The following PLCH1 variants were observed in gnomAD, a reference collection of about 807,000 sequenced individuals.
The protein encoded by PLCH1 is phospholipase C eta 1.
In PLCH1, 60 loss-of-function variants were observed where a neutral mutation model predicts 126.7. The observed-to-expected ratio is 0.47, with a 90% confidence interval of 0.38 to 0.59. The LOEUF (loss-of-function observed/expected upper bound fraction) is 0.59, where lower values mean the gene tolerates loss of function less well. PLCH1 is among the 20% of genes least tolerant of loss of function. The pLI, the probability that PLCH1 is intolerant of heterozygous loss-of-function variation, is 0.00. For synonymous variants in PLCH1, 719 were observed against 734.9 expected, an observed-to-expected ratio of 0.98 and a Z score of 0.35; for missense variants, 1,723 against 2,040.0, an observed-to-expected ratio of 0.84 and a Z score of 2.99.
At chr3:155,631,557 A>G (rs1738024488) in intron 2 of PLCH1, among the ~76,000 whole-genome samples, 1 of 152,214 alleles carries the variant, frequency 6.6e-6, no homozygotes. Context: ...TTGTTCACAG[A>G]GGAAAATTAT....
chr3:155,500,511 A>G (rs1437462622), intron 14 of PLCH1, among the ~76,000 whole-genome samples, 192 bp downstream of exon 14: 1 of 152,228 alleles, frequency 6.6e-6, no homozygotes, highest in Non-Finnish European at 1.5e-5. Context: ...AGAGCTCATT[A>G]TGTGCCAGGC....
At position 155,452,511 on chromosome 3, in the gene PLCH1, G is replaced by T. The variant is rs1257587557; in HGVS notation, c.2938+32845C>A. On this transcript the variant is annotated intron_variant, in intron 21 of 21. Coordinates refer to the PLCH1 transcript ENST00000494598. ...TAGAATTGAGAGTCTAATCTGATTG[G>T]ATTTAAAGACACTAATGACTCTATC... 2.6e-5 allele frequency among the ~76,000 whole-genome samples: 4 copies of T among 152,092 alleles called. No individual in the cohort carries two copies. In the East Asian group the frequency reaches 7.7e-4, roughly 29 times the overall value.
intron 12 of PLCH1, among the ~76,000 whole-genome samples, chr3:155,513,670 A>G (rs1310546351): frequency 8.5e-5 from 13 of 152,196 alleles, no homozygotes; most frequent in Non-Finnish European, 1.0e-4. Flanking sequence ...CCAGAATTAC[A>G]TGGTAAACTA....
intron 2 of PLCH1, among the ~76,000 whole-genome samples, chr3:155,652,476 G>GT (rs1186701830): frequency 5.3e-5 from 8 of 152,042 alleles, no homozygotes; most frequent in Non-Finnish European, 8.8e-5. Flanking sequence ...TTTCTGTTTT[G>GT]TTTTTTTGCG....
At chr3:155,527,913 C>G (rs1308932875) in intron 10 of PLCH1, among the ~76,000 whole-genome samples, 1 of 143,004 alleles carries the variant, frequency 7.0e-6, no homozygotes, top group Non-Finnish European at 1.5e-5. Flanking sequence ...GAGTGACACT[C>G]CGTTTCAAAA....
At chr3:155,529,145 TC>T (rs1722333266) in intron 10 of PLCH1, among the ~76,000 whole-genome samples, 1 of 152,140 alleles carries the variant, frequency 6.6e-6, no homozygotes, top group Admixed American at 6.5e-5. Flanking sequence ...CTTCCAGAGG[TC>T]CCTTTCTGAT....
Position 155,575,664 on chromosome 3 carries a change from A to T in PLCH1, c.772-7340T>A, listed in dbSNP as rs182439479. ...TAGATAACAGCTAGCAGAAAATTTTAAATTTTTTAAGTTATTTCATTTTAG... is the reference window on the plus strand; with the variant it reads ...TAGATAACAGCTAGCAGAAAATTTTTAATTTTTTAAGTTATTTCATTTTAG... On this transcript the variant is annotated intron_variant, in intron 6 of 22. Transcript: ENST00000460012. 5.0e-3 allele frequency among the ~76,000 whole-genome samples: 764 copies of T among 152,270 alleles called. 8 individuals carry two copies. Among genetic ancestry groups the T allele is most frequent in the African/African-American group, 0.018 (728 of 41,548 alleles).
intron 11 of PLCH1, among the ~76,000 whole-genome samples, chr3:155,520,021 T>C (rs2108273136): frequency 6.6e-6 from 1 of 152,298 alleles, no homozygotes; most frequent in African/African-American, 2.4e-5. Flanking sequence ...CCTGCTCCTT[T>C]AGCTCACTTA....
chr3:155,671,151 A>G (rs1459513217), intron 2 of PLCH1, among the ~76,000 whole-genome samples: 1 of 152,180 alleles, frequency 6.6e-6, no homozygotes, highest in Non-Finnish European at 1.5e-5. Context: ...CAGGATTCAA[A>G]TGTCAGCTCT....
At position 155,480,976 on chromosome 3, in the gene PLCH1, T is replaced by C; in HGVS notation, c.5050A>G (p.Arg1684Gly). Residue 1684 changes from arginine to glycine, a missense_variant, in exon 23 of 23, where the codon AGA becomes GGA. Coordinates refer to ENST00000460012, the MANE Select transcript of PLCH1 (RefSeq NM_014996.4). ...ATGCAGTTTTAAATAATTCACAGTCTCAAAAGAAAATAAATTTCTGGTTTA... is the reference window on the plus strand; with the variant it reads ...ATGCAGTTTTAAATAATTCACAGTCCCAAAAGAAAATAAATTTCTGGTTTA... The part of the protein sequence containing the change: ...DDKPEIYFLL[R>G]L 6.3e-7 allele frequency: 1 copy of C among 1,581,264 alleles called. No homozygotes were observed. Among genetic ancestry groups the C allele is most frequent in the Non-Finnish European group, 8.6e-7 (1 of 1,158,648 alleles).
At chr3:155,610,272 A>G (rs1734869839) in intron 2 of PLCH1, among the ~76,000 whole-genome samples, 1 of 149,814 alleles carries the variant, frequency 6.7e-6, no homozygotes, top group African/African-American at 2.5e-5. Flanking sequence ...GAGGCAGGAG[A>G]ATCGCTTGAA....
At chr3:155,520,466 A>T (rs558408646) in intron 11 of PLCH1, among the ~76,000 whole-genome samples, 12 of 152,324 alleles carry the variant, frequency 7.9e-5, no homozygotes, top group South Asian at 6.2e-4. Context: ...TGTTTATGGG[A>T]TCAGCTTTAC....
intron 3 of PLCH1, 57 bp downstream of exon 3, chr3:155,596,175 G>C: frequency 7.3e-7 from 1 of 1,364,326 alleles, no homozygotes. Context: ...AGCCCACTCA[G>C]TATAACCCGT....
At position 155,520,580 on chromosome 3, in the gene PLCH1, T is replaced by C. The variant is rs538561831; in HGVS notation, c.1470+3317A>G. 2.4e-4 allele frequency among the ~76,000 whole-genome samples: 37 copies of C among 152,122 alleles called. No homozygotes were observed. The South Asian group carries it at 6.7e-3, about 27-fold the overall frequency. On this transcript the variant is annotated intron_variant, in intron 11 of 22. Transcript: ENST00000460012. ...ATAACTCAGCAGAAGCAGAAAAAAA[T>C]TAATGAAGTTAAAATACAGAGGTGG...
In PLCH1 at chr3:155,481,787, G is replaced by A. The variant is rs369607730; in HGVS notation, c.4239C>T (p.Phe1413=). 1.9e-5 allele frequency: 30 copies of A among 1,613,860 alleles called. No homozygotes were observed. Among genetic ancestry groups the A allele is most frequent in the African/African-American group, 4.0e-5 (3 of 74,920 alleles). Residue 1413 remains phenylalanine, a synonymous_variant, in exon 23 of 23, where the codon TTC becomes TTT. Coordinates refer to ENST00000460012, the MANE Select transcript of PLCH1 (RefSeq NM_014996.4). The surrounding 1 kb of genome is among the most constrained non-coding windows in gnomAD (Gnocchi z 4.2). ...ETLRPSVPEI[F]NNIQDVKTQS... Reference sequence around the variant, plus strand: ...GAGTTTTGACATCTTGAATATTGTTGAATATTTCAGGGACAGAAGGGCGGA... The same window carrying A: ...GAGTTTTGACATCTTGAATATTGTTAAATATTTCAGGGACAGAAGGGCGGA...
rs1730966357 is a variant in PLCH1 at position 155,583,472 on chromosome 3, C to G, written c.771G>C (p.Lys257Asn). 6.3e-7 allele frequency: 1 copy of G among 1,597,406 alleles called. No homozygotes were observed. Among genetic ancestry groups the G allele is most frequent in the Non-Finnish European group, 8.5e-7 (1 of 1,173,140 alleles). ...TTTCATTTTAACAGTCTAATGATACCTTTTGCTCCACCTTCAAAAACTGAG... is the reference window on the plus strand; with the variant it reads ...TTTCATTTTAACAGTCTAATGATACGTTTTGCTCCACCTTCAAAAACTGAG... ...ELAQFLKVEQ[K>N]MNNVTTDYCL... Residue 257 changes from lysine (K) to asparagine (N), a missense_variant and splice_region_variant, in exon 6 of 23, where the codon AAG becomes AAC. Lys to Asn is a moderately conservative substitution (Grantham distance 94). Transcript: ENST00000460012.
chr3:155,586,475 G>A (rs1033722633), intron 4 of PLCH1, among the ~76,000 whole-genome samples: 1 of 152,190 alleles, frequency 6.6e-6, no homozygotes, highest in African/African-American at 2.4e-5. Flanking sequence ...GTGAGGCTGA[G>A]GCAGGTGGAT....
rs552148988 is a variant in PLCH1, at chr3:155,470,856, A to C, written c.2938+14500T>G. Reference sequence around the variant, plus strand: ...TCATAAGTGAAGGAGAAATAAAATAATTTACAAACAAGCAAATGCTGAGAG... The same window carrying C: ...TCATAAGTGAAGGAGAAATAAAATACTTTACAAACAAGCAAATGCTGAGAG... On this transcript the variant is annotated intron_variant, in intron 21 of 21. Transcript: ENST00000494598. 2.2e-3 allele frequency among the ~76,000 whole-genome samples: 330 copies of C among 152,036 alleles called. 1 individual carries two copies. Among genetic ancestry groups the C allele is most frequent in the African/African-American group, 7.4e-3 (306 of 41,386 alleles).
intron 2 of PLCH1, chr3:155,676,264 G>A: frequency 8.3e-7 from 1 of 1,199,604 alleles, no homozygotes. Context: ...TATGATTATA[G>A]AACTTTGTCC....
Sources: gnomAD v4.1 joint callset for allele counts (sites outside exome capture counted in the v4.1 genomes callset) on GRCh38, gnomAD v4.1.1 for gene constraint, Gnocchi (gnomAD v3.1) non-coding constraint, MANE v1.5 for transcripts, NCBI Gene and HGNC (gene_info 2026-07-23, HGNC 2026-07-21) for gene names.